Variants in FEZF1 observed in about 807,000 individuals in gnomAD.
The protein encoded by FEZF1 is fez family zinc finger protein 1.
In FEZF1, 8 loss-of-function variants were observed where a neutral mutation model predicts 32.4. The observed-to-expected ratio is 0.25, with a 90% confidence interval of 0.15 to 0.45. FEZF1 has a LOEUF of 0.45. Ranked by LOEUF, FEZF1 falls within the 20% of genes least tolerant of loss-of-function variation. The probability of loss-of-function intolerance (pLI) is 1.00; values close to 1 mark genes in which losing one functional copy is unlikely to be tolerated. For missense variants in FEZF1, 546 were observed against 622.3 expected (o/e 0.88, Z 1.31); for synonymous variants, 259 against 265.2 (o/e 0.98, Z 0.23).
Position 122,302,151 on chromosome 7 carries a change from C to T in FEZF1, c.1274G>A (p.Ser425Asn). The change falls in exon 4 of 4, where the codon AGC becomes AAC. Residue 425 changes from serine (S) to asparagine (N), a missense_variant. Physicochemically the swap from Ser to Asn is conservative, Grantham distance 46. Around this residue, in one of 3 missense-constraint regions of FEZF1, gnomAD observed 83 missense variants for 73.0 expected, o/e 1.14. Coordinates refer to ENST00000442488, the MANE Select transcript of FEZF1 (RefSeq NM_001024613.4). This position sits in a 1 kb window ranked among gnomAD's most constrained non-coding sequence, Gnocchi z 4.4. Reference protein sequence around the residue: ...LKKHVRKLHDSSLGLARTPAG... With the variant: ...LKKHVRKLHDNSLGLARTPAG... The stretch of plus-strand genomic sequence containing the variant: ...TGGCGTGCGGGCCAGCCCCAGGCTG[C>T]TGTCGTGCAGCTTGCGGACATGCTT... The T allele has an allele frequency of 6.2e-7, 1 of 1,614,202 alleles. No homozygotes were observed. Among genetic ancestry groups the T allele is most frequent in the Non-Finnish European group, 8.5e-7 (1 of 1,180,030 alleles).
chr7:122,301,888 G>A lies in FEZF1; in HGVS notation c.*109C>T, dbSNP rs1013754348. The A allele has an allele frequency of 1.4e-6, 2 of 1,458,110 alleles. No homozygotes were observed. Among genetic ancestry groups the A allele is most frequent in the Non-Finnish European group, 9.1e-7 (1 of 1,097,612 alleles). The allele number at this position is 1,458,110 out of a possible 1,614,324, so 90.3% of individuals were successfully genotyped here. On this transcript the variant is annotated 3_prime_UTR_variant, in exon 4 of 4. Transcript: ENST00000442488. ...AGGCTTCTGGTCGGCCCTGAAGTGTGGGGCCCAACATGCCCTGGGGTCTGC... is the reference window on the plus strand; with the variant it reads ...AGGCTTCTGGTCGGCCCTGAAGTGTAGGGCCCAACATGCCCTGGGGTCTGC...
upstream of FEZF1, chr7:122,305,571 G>A (rs1435809187): frequency 6.6e-6 from 1 of 152,268 alleles, no homozygotes; most frequent in Non-Finnish European, 1.5e-5. Flanking sequence ...GATACACACA[G>A]ACGCGCGCGC....
At position 122,301,934 on chromosome 7, in the gene FEZF1, C is replaced by A; in HGVS notation, c.*63G>T. ...TCTGCAGACGAACTCGGACCAGGAG[C>A]TCTAGTCTGCCGCTGCCTCAGCGTG... On this transcript the variant is annotated 3_prime_UTR_variant, in exon 4 of 4. Transcript: ENST00000442488. 1 of 1,531,982 alleles carries A rather than the reference C, an allele frequency of 6.5e-7. No individual in the cohort carries two copies. The highest frequency in any genetic ancestry group is 8.7e-7 in the Non-Finnish European group (1 of 1,152,440). 94.9% of individuals were successfully genotyped at this position (1,531,982 alleles called of 1,614,324 possible).
At chr7:122,303,510 GA>G (rs1563042015) in intron 1 of FEZF1, 126 bp downstream of exon 1, 61 of 556,410 alleles carry the variant, frequency 1.1e-4, no homozygotes, top group African/African-American at 6.6e-4. Flanking sequence ...AGGAAGGAAG[GA>G]AGGAAGGAAG....
upstream of FEZF1, chr7:122,306,436 G>T (rs2031283566): frequency 6.6e-6 from 1 of 152,216 alleles, no homozygotes; most frequent in African/African-American, 2.4e-5. Context: ...TTCACTCAAA[G>T]ATGCGAAACT....
upstream of FEZF1, among the ~76,000 whole-genome samples, chr7:122,308,710 C>A (rs2031348662): frequency 1.3e-5 from 2 of 152,154 alleles, no homozygotes; most frequent in Non-Finnish European, 2.9e-5. Context: ...AGTTCATTGA[C>A]TTGTCCCTGG....
In FEZF1 at chr7:122,303,963, C is replaced by G. The variant is rs1025604327; in HGVS notation, c.475G>C (p.Ala159Pro). 1 of 1,595,274 alleles carries G rather than the reference C, an allele frequency of 6.3e-7. No individual in the cohort carries two copies. Among genetic ancestry groups the G allele is most frequent in the Non-Finnish European group, 8.5e-7 (1 of 1,170,664 alleles). The change falls in exon 1 of 4, where the codon GCC (alanine) becomes CCC (proline). Residue 159 changes from alanine (A) to proline (P), a missense_variant. Transcript: ENST00000442488. Reference protein sequence around the residue: ...VNHSSFHAMGALCYLNRGDGP... With the variant: ...VNHSSFHAMGPLCYLNRGDGP... ...TCACCTCGGTTCAGGTAGCACAAGG[C>G]GCCCATGGCGTGGAATGAAGAGTGG...
Position 122,304,411 on chromosome 7 carries a change from A to G in FEZF1, c.27T>C (p.Thr9=), listed in dbSNP as rs1342559841. The change falls in exon 1 of 4, where the codon ACT becomes ACC. Residue 9 remains threonine (T), a synonymous_variant. Transcript: ENST00000442488. Reference sequence around the variant, plus strand: ...CTGGAGCAGTCGCTAACATTTTGGTAGTCGCGTTGTGGCAGCTACTGTCCA... The same window carrying G: ...CTGGAGCAGTCGCTAACATTTTGGTGGTCGCGTTGTGGCAGCTACTGTCCA... MDSSCHNA[T]TKMLATAPAR... 1.3e-6 allele frequency: 2 copies of G among 1,575,392 alleles called. No individual in the cohort carries two copies. The highest frequency in any genetic ancestry group is 1.1e-5 in the South Asian group (1 of 87,836).
At chr7:122,304,944 C>G (rs946876446), upstream of FEZF1, 1 of 152,978 alleles carries the variant, frequency 6.5e-6, no homozygotes, top group East Asian at 2.0e-4. Context: ...CCGCACCCCC[C>G]CATCCCCACC....
chr7:122,310,064 C>T (rs1310964669), intron 1 of FEZF1: 1 of 152,104 alleles, frequency 6.6e-6, no homozygotes, highest in Admixed American at 6.5e-5. Context: ...AAATAAAAGT[C>T]GATAATAGAA....
chr7:122,301,866 C>CTT lies in FEZF1; in HGVS notation c.*129_*130dup. On this transcript the variant is annotated 3_prime_UTR_variant, in exon 4 of 4. Coordinates refer to ENST00000442488, the MANE Select transcript of FEZF1 (RefSeq NM_001024613.4). ...GGCGAAAGGCCAGGGGATGCAGAGG[C>CTT]TTCTGGTCGGCCCTGAAGTGTGGGG... 1 of 1,298,674 alleles carries CTT rather than the reference C, an allele frequency of 7.7e-7. No homozygotes were observed. The highest frequency in any genetic ancestry group is 1.0e-6 in the Non-Finnish European group (1 of 961,978). The allele number at this position is 1,298,674 out of a possible 1,614,324, so 80.4% of individuals were successfully genotyped here.
rs541060829 is a variant in FEZF1 at position 122,303,690 on chromosome 7, G to T, written c.748C>A (p.Arg250=). Residue 250 remains arginine (R), a synonymous_variant, in exon 1 of 4, where the codon CGA becomes AGA. Transcript: ENST00000442488. The stretch of plus-strand genomic sequence containing the variant: ...TTGGGCTTGGCATTAGGAGAGCCTC[G>T]GCTGAAATCCGAGGTTTTGAACGCG... ...KIAFKTSDFS[R]GSPNAKPKVF... 4.7e-5 allele frequency: 76 copies of T among 1,614,004 alleles called. No homozygotes were observed. The highest frequency in any genetic ancestry group is 6.1e-5 in the Non-Finnish European group (72 of 1,180,036).
chr7:122,304,988 A>T (rs2031231395), upstream of FEZF1: 1 of 148,476 alleles, frequency 6.7e-6, no homozygotes, highest in Non-Finnish European at 1.5e-5. Context: ...CTAATTCTCA[A>T]TCTGCTTAAC....
chr7:122,302,753 G>A lies in FEZF1; in HGVS notation c.1069+46C>T, dbSNP rs1365035781. 1.9e-6 allele frequency: 3 copies of A among 1,569,444 alleles called. No homozygotes were observed. Among genetic ancestry groups the A allele is most frequent in the South Asian group, 1.1e-5 (1 of 88,092 alleles). On this transcript the variant is annotated intron_variant, in intron 3 of 3. Coordinates refer to ENST00000442488, the MANE Select transcript of FEZF1 (RefSeq NM_001024613.4). The surrounding 1 kb of genome is among the most constrained non-coding windows in gnomAD (Gnocchi z 4.4). ...AAACATCCCGAAAGTATTAAGTATG[G>A]CTTTTCATAAGACTAACCATGAGAG...
chr7:122,309,355 T>A (rs752649115), upstream of FEZF1, among the ~76,000 whole-genome samples: 21 of 152,352 alleles, frequency 1.4e-4, no homozygotes, highest in Middle Eastern at 3.4e-3. Context: ...TATTTGTCTC[T>A]AGACCTTTGT....
In FEZF1 at chr7:122,304,468, C is replaced by T. The variant is rs927771870; in HGVS notation, c.-31G>A. The T allele has an allele frequency of 3.5e-5, 53 of 1,528,794 alleles. No individual in the cohort carries two copies. The highest frequency in any genetic ancestry group is 2.0e-4 in the Admixed American group (10 of 49,882). 94.7% of individuals were successfully genotyped at this position (1,528,794 alleles called of 1,614,324 possible). A position where few individuals can be genotyped will look rare whatever the true frequency, so the allele number is the denominator to read the frequency against. Reference sequence around the variant, plus strand: ...AGTCGCCAGCGTCCGTCAGCCGGGGCTGGGTTGCGCCGTCCGTTGCCTTGT... The same window carrying T: ...AGTCGCCAGCGTCCGTCAGCCGGGGTTGGGTTGCGCCGTCCGTTGCCTTGT... On this transcript the variant is annotated 5_prime_UTR_variant, in exon 1 of 4. Transcript: ENST00000442488.
At chr7:122,308,881 A>G (rs990962328), upstream of FEZF1, among the ~76,000 whole-genome samples, 10 of 152,002 alleles carry the variant, frequency 6.6e-5, no homozygotes, top group African/African-American at 2.2e-4. Context: ...CAGCCTTGAC[A>G]TTCAAGCACA....
At position 122,304,457 on chromosome 7, in the gene FEZF1, G is replaced by C; in HGVS notation, c.-20C>G. On this transcript the variant is annotated 5_prime_UTR_variant, in exon 1 of 4. Transcript: ENST00000442488. ...GTCCATGTCTGAGTCGCCAGCGTCC[G>C]TCAGCCGGGGCTGGGTTGCGCCGTC... The C allele has an allele frequency of 6.5e-7, 1 of 1,536,772 alleles. No individual in the cohort carries two copies. The highest frequency in any genetic ancestry group is 8.8e-7 in the Non-Finnish European group (1 of 1,136,320).
upstream of FEZF1, among the ~76,000 whole-genome samples, chr7:122,308,724 T>C (rs928955573): frequency 1.3e-5 from 2 of 152,214 alleles, no homozygotes; most frequent in Non-Finnish European, 2.9e-5. Context: ...TCCCTGGTCA[T>C]GTTTTTAGAG....
Sources: gnomAD v4.1 joint callset for allele counts (sites outside exome capture counted in the v4.1 genomes callset) on GRCh38, gnomAD v4.1.1 for gene constraint, gnomAD v4.1.1 regional missense constraint, Gnocchi (gnomAD v3.1) non-coding constraint, MANE v1.5 for transcripts, NCBI Gene and HGNC (gene_info 2026-07-23, HGNC 2026-07-21) for gene names.